MYO7B: variants seen among roughly 807,000 people sequenced by gnomAD.
The protein encoded by MYO7B is myosin VIIB.
In MYO7B, 212 loss-of-function variants were observed where a neutral mutation model predicts 259.7. That is an observed-to-expected ratio of 0.82 (90% CI 0.73 to 0.91). The LOEUF (loss-of-function observed/expected upper bound fraction) is 0.91, where lower values mean the gene tolerates loss of function less well. Among genes scored for constraint, MYO7B ranks in the 40% least tolerant of loss-of-function variants. The pLI is 0.00. For synonymous variants in MYO7B, 1,197 were observed against 1,166.4 expected (o/e 1.03, Z -0.54); for missense variants, 2,732 against 2,813.5 (o/e 0.97, Z 0.66).
At chr2:127,625,938 G>A (rs1358371881) in intron 31 of MYO7B, 1 of 197,268 alleles carries the variant, frequency 5.1e-6, no homozygotes, top group Non-Finnish European at 1.0e-5. Context: ...GAACCCCCCA[G>A]GCCAGAGTGT....
intron 5 of MYO7B, among the ~76,000 whole-genome samples, chr2:127,567,503 G>A (rs936971966): frequency 3.9e-5 from 6 of 152,226 alleles, no homozygotes; most frequent in African/African-American, 1.2e-4. Context: ...AACTTGGAGG[G>A]GAGGGTGTGG....
chr2:127,629,968 C>A (rs555509610), intron 35 of MYO7B, 142 bp downstream of exon 35: 2 of 872,166 alleles, frequency 2.3e-6, no homozygotes, highest in African/African-American at 1.8e-5. Context: ...CAGCCCCCAC[C>A]ATTCCTGCGG....
chr2:127,553,491 T>C (rs1820969), intron 1 of MYO7B, among the ~76,000 whole-genome samples: 126,158 of 152,124 alleles, frequency 0.83, 52,589 homozygotes, highest in East Asian at 1. Context: ...GTTAGGTATA[T>C]GCTTAAGTAT....
rs971934406 is a variant in MYO7B at position 127,580,889 on chromosome 2, CT to C, written c.1080+68del. On this transcript the variant is annotated intron_variant, in intron 10 of 47. Coordinates refer to ENST00000409816, the MANE Select transcript of MYO7B (RefSeq NM_001393586.1). ...CTCAGAGGCCTGGGCTGACAGACCC[CT>C]GACACCTGATTCTTATAACCCTACC... The C allele has an allele frequency of 7.0e-6, 10 of 1,435,946 alleles. No homozygotes were observed. In the African/African-American group the frequency reaches 1.3e-4, roughly 18 times the overall value. 89.0% of individuals were successfully genotyped at this position (1,435,946 alleles called of 1,614,324 possible).
At chr2:127,587,523 T>C (rs1529591) in intron 14 of MYO7B, among the ~76,000 whole-genome samples, 133,034 of 151,296 alleles carry the variant, frequency 0.88, 58,814 homozygotes, top group East Asian at 0.99. Context: ...GCCTTCCTTC[T>C]CTCTGTGTGT....
intron 43 of MYO7B, 162 bp downstream of exon 43, chr2:127,635,388 G>A: frequency 3.0e-6 from 2 of 674,324 alleles, no homozygotes; most frequent in Non-Finnish European, 5.1e-6. Context: ...GGAACCAGGA[G>A]CAGAGGGCAG....
intron 1 of MYO7B, among the ~76,000 whole-genome samples, chr2:127,540,206 C>T (rs1692950759): frequency 1.3e-5 from 2 of 151,842 alleles, no homozygotes; most frequent in African/African-American, 4.8e-5. Flanking sequence ...CCCTGTCACC[C>T]AGGTTGGAGT....
At position 127,564,183 on chromosome 2, in the gene MYO7B, A is replaced by G; in HGVS notation, c.49A>G (p.Thr17Ala). Residue 17 changes from threonine (T) to alanine (A), a missense_variant, in exon 3 of 48, where the codon ACC becomes GCC. Physicochemically the swap from Thr to Ala is moderately conservative, Grantham distance 58. Around this residue, in one of 3 missense-constraint regions of MYO7B, gnomAD observed 1,906 missense variants for 2,026.4 expected, o/e 0.94. Transcript: ENST00000409816. ...GDHVWLEPPS[T>A]HKTGVAIGGI... ...CCACGTGTGGCTGGAGCCTCCCTCCACCCACAAGACCGGCGTGGCCATCGG... is the reference window on the plus strand; with the variant it reads ...CCACGTGTGGCTGGAGCCTCCCTCCGCCCACAAGACCGGCGTGGCCATCGG... 1.3e-6 allele frequency: 2 copies of G among 1,572,528 alleles called. No homozygotes were observed. The highest frequency in any genetic ancestry group is 1.7e-6 in the Non-Finnish European group (2 of 1,159,682).
At chr2:127,556,613 T>A (rs1693644207) in intron 1 of MYO7B, among the ~76,000 whole-genome samples, 1 of 152,208 alleles carries the variant, frequency 6.6e-6, no homozygotes, top group Non-Finnish European at 1.5e-5. Flanking sequence ...CATTTGTTTG[T>A]CTGAAAAAGA....
chr2:127,624,302 C>A lies in MYO7B; in HGVS notation c.4029C>A (p.Gly1343=). The A allele has an allele frequency of 6.3e-7, 1 of 1,579,844 alleles. No individual in the cohort carries two copies. ...YRQVLRGVWS[G]EYSFEKEEEL... ...AAGTCCTCCGAGGAGTCTGGTCTGG[C>A]GAGTACAGCTTCGAGAAGGTGAGGG... Residue 1343 remains glycine, a synonymous_variant, in exon 30 of 48, where the codon GGC becomes GGA. Coordinates refer to ENST00000409816, the MANE Select transcript of MYO7B (RefSeq NM_001393586.1).
chr2:127,548,830 C>T (rs546804548), intron 1 of MYO7B, among the ~76,000 whole-genome samples: 4 of 152,162 alleles, frequency 2.6e-5, no homozygotes, highest in Non-Finnish European at 4.4e-5. Flanking sequence ...CATTTTTCTT[C>T]GGACTTACCT....
In MYO7B at chr2:127,592,859, C is replaced by A; in HGVS notation, c.2058C>A (p.Ile686=). Residue 686 remains isoleucine, a synonymous_variant, in exon 17 of 48, where the codon ATC becomes ATA. Coordinates refer to ENST00000409816, the MANE Select transcript of MYO7B (RefSeq NM_001393586.1). ...CGGGCATGATGGAGACCGTGCACAT[C>A]CGCAAGTCGGGCTTCCCCATCCGCT... The part of the protein sequence containing the change: ...RYSGMMETVH[I]RKSGFPIRYT... 1 of 1,610,444 alleles carries A rather than the reference C, an allele frequency of 6.2e-7. No individual in the cohort carries two copies. Among genetic ancestry groups the A allele is most frequent in the Non-Finnish European group, 8.5e-7 (1 of 1,178,934 alleles).
chr2:127,541,843 G>T (rs13013022), intron 1 of MYO7B, among the ~76,000 whole-genome samples: 80,655 of 152,140 alleles, frequency 0.53, 22,993 homozygotes, highest in Admixed American at 0.67. Context: ...CCCAGGAGGG[G>T]CTGCACCAGG....
intron 29 of MYO7B, among the ~76,000 whole-genome samples, chr2:127,623,849 CAG>C (rs1680969154): frequency 6.6e-6 from 1 of 152,212 alleles, no homozygotes; most frequent in Non-Finnish European, 1.5e-5. Context: ...TCACATCGGC[CAG>C]ACTCATGTCT....
At chr2:127,573,712 C>T (rs1025104375) in intron 6 of MYO7B, among the ~76,000 whole-genome samples, 11 of 152,250 alleles carry the variant, frequency 7.2e-5, no homozygotes, top group Non-Finnish European at 5.9e-5. Flanking sequence ...CAAGCACACT[C>T]CATGCTTTTT....
At position 127,609,584 on chromosome 2, in the gene MYO7B, G is replaced by A; in HGVS notation, c.2893G>A (p.Val965Met). 3 of 1,614,034 alleles carry A rather than the reference G, an allele frequency of 1.9e-6. No homozygotes were observed. Among genetic ancestry groups the A allele is most frequent in the African/African-American group, 1.3e-5 (1 of 75,064 alleles). Residue 965 changes from valine (V) to methionine (M), a missense_variant, in exon 23 of 48, where the codon GTG becomes ATG. Val to Met is a conservative substitution (Grantham distance 21, BLOSUM62 1). Transcript: ENST00000409816. The surrounding 1 kb of genome is among the most constrained non-coding windows in gnomAD (Gnocchi z 6.9). ...VPMAEEPEED[V>M]DGLAEYTFPK... is the part of the protein sequence containing the mutation. ...CATGGCGGAGGAGCCTGAGGAGGATGTGGATGGCCTGGCCGAGTACACCTT... is the reference window on the plus strand; with the variant it reads ...CATGGCGGAGGAGCCTGAGGAGGATATGGATGGCCTGGCCGAGTACACCTT...
rs762578080 is a variant in MYO7B at position 127,636,939 on chromosome 2, C to G, written c.6327+26C>G. The G allele has an allele frequency of 1.9e-6, 3 of 1,607,696 alleles. No individual in the cohort carries two copies. The East Asian group carries it at 6.7e-5, about 36-fold the overall frequency. ...GTGAGCTCAGGTTCTTTCTCCCATC[C>G]AAGATGCATAGGACAGAGCTGCTGG... On this transcript the variant is annotated intron_variant, in intron 47 of 47. Transcript: ENST00000409816. This position sits in a 1 kb window ranked among gnomAD's most constrained non-coding sequence, Gnocchi z 4.5.
intron 19 of MYO7B, among the ~76,000 whole-genome samples, chr2:127,605,191 G>A (rs1680117092): frequency 6.6e-6 from 1 of 152,362 alleles, no homozygotes; most frequent in South Asian, 2.1e-4. Flanking sequence ...CCAGCCCTGG[G>A]CTAGTGGCCA....
At chr2:127,624,548 C>A (rs922465742) in intron 30 of MYO7B, among the ~76,000 whole-genome samples, 1 of 152,228 alleles carries the variant, frequency 6.6e-6, no homozygotes. Context: ...CCCAGAGGGC[C>A]CAGGCCTTGC....
Sources: allele counts gnomAD v4.1 joint callset (sites outside exome capture counted in the v4.1 genomes callset), GRCh38; gene constraint gnomAD v4.1.1; regional missense constraint gnomAD v4.1.1; non-coding constraint Gnocchi (gnomAD v3.1); transcripts MANE v1.5; gene names NCBI Gene and HGNC (gene_info 2026-07-23, HGNC 2026-07-21).